The following MGAT5B variants were observed in gnomAD, a reference collection of about 807,000 sequenced individuals.
MGAT5B encodes the protein alpha-1,6-mannosylglycoprotein 6-beta-N-acetylglucosaminyltransferase B.
In MGAT5B, 54 loss-of-function variants were observed where a neutral mutation model predicts 95.1. The observed-to-expected ratio is 0.57, with a 90% CI of 0.46 to 0.71. The LOEUF (loss-of-function observed/expected upper bound fraction) is 0.71. Among genes scored for constraint, MGAT5B ranks in the 30% least tolerant of loss-of-function variants. The pLI, the probability that MGAT5B is intolerant of heterozygous loss-of-function variation, is 0.00. For synonymous variants in MGAT5B, 464 were observed against 451.0 expected (o/e 1.03, Z -0.36); for missense variants, 935 against 1,088.6 (o/e 0.86, Z 1.99).
chr17:76,878,619 C>T (rs1033124884), intron 2 of MGAT5B, among the ~76,000 whole-genome samples: 7 of 152,138 alleles, frequency 4.6e-5, no homozygotes, highest in African/African-American at 1.7e-4. Flanking sequence ...GGATTACAGG[C>T]ACATGCCACC....
At chr17:76,900,700 A>G (rs777351512) in intron 3 of MGAT5B, among the ~76,000 whole-genome samples, 1 of 152,232 alleles carries the variant, frequency 6.6e-6, no homozygotes, top group Non-Finnish European at 1.5e-5. Flanking sequence ...CAGAGGAGAA[A>G]TGGGTGTGGT....
Position 76,869,847 on chromosome 17 carries a change from C to T in MGAT5B, c.68+750C>T, listed in dbSNP as rs1438889990. ...CAGGCCAGGCAGGGCTGGGGCCGCG[C>T]GGGACTCACTGGACCCAGCCAGGGG... is the stretch of plus-strand genomic sequence containing the variant. On this transcript the variant is annotated intron_variant, in intron 1 of 17. Transcript: ENST00000569840. The surrounding 1 kb of genome is among the most constrained non-coding windows in gnomAD (Gnocchi z 7.0). Among the ~76,000 whole-genome samples, 3 of 152,006 alleles carry T rather than the reference C, an allele frequency of 2.0e-5. No homozygotes were observed. Among genetic ancestry groups the T allele is most frequent in the African/African-American group, 4.8e-5 (2 of 41,408 alleles).
intron 15 of MGAT5B, among the ~76,000 whole-genome samples, chr17:76,943,314 C>T (rs1326339567): frequency 6.6e-6 from 1 of 152,100 alleles, no homozygotes; most frequent in Non-Finnish European, 1.5e-5. Flanking sequence ...GAGATTTGTG[C>T]TGGGCCCCAA....
intron 15 of MGAT5B, among the ~76,000 whole-genome samples, chr17:76,945,984 G>A (rs546736402): frequency 1.9e-4 from 29 of 152,062 alleles, no homozygotes; most frequent in Admixed American, 1.6e-3. Flanking sequence ...TGTAACAGGA[G>A]TGGGGGTGGG....
Position 76,915,957 on chromosome 17 carries a change from G to T in MGAT5B, c.1026-9009G>T, listed in dbSNP as rs2145217359. ...ACCCTTCCCCAGGAAATTCAGACTT[G>T]GGTAGGCAGAAGACCTACCTAGACT... On this transcript the variant is annotated intron_variant, in intron 8 of 17. Transcript: ENST00000569840. This position sits in a 1 kb window ranked among gnomAD's most constrained non-coding sequence, Gnocchi z 8.7. Among the ~76,000 whole-genome samples, 1 of 152,342 alleles carries T rather than the reference G, an allele frequency of 6.6e-6. No individual in the cohort carries two copies. The highest frequency in any genetic ancestry group is 2.1e-4 in the South Asian group (1 of 4,832).
chr17:76,895,725 A>G (rs934346404), intron 3 of MGAT5B, among the ~76,000 whole-genome samples: 1 of 152,008 alleles, frequency 6.6e-6, no homozygotes, highest in Non-Finnish European at 1.5e-5. Flanking sequence ...ATAATCACTC[A>G]TGACATCTGC....
chr17:76,909,057 T>C (rs1180925466), intron 8 of MGAT5B, among the ~76,000 whole-genome samples: 1 of 152,186 alleles, frequency 6.6e-6, no homozygotes, highest in African/African-American at 2.4e-5. Flanking sequence ...TCCACCTGCT[T>C]TGGCCTCCCA....
chr17:76,946,602 C>T (rs2145291534), intron 16 of MGAT5B, 152 bp downstream of exon 16: 1 of 678,334 alleles, frequency 1.5e-6, no homozygotes, highest in East Asian at 3.4e-5. Flanking sequence ...CCAGAGTTCC[C>T]TCAGGGCTGG....
At chr17:76,890,022 G>A (rs1047795338) in intron 3 of MGAT5B, among the ~76,000 whole-genome samples, 4 of 152,256 alleles carry the variant, frequency 2.6e-5, no homozygotes, top group African/African-American at 7.2e-5. Context: ...TGGCCATGCC[G>A]TGGGTGGTCT....
At chr17:76,942,485 C>T (rs1161347591) in intron 15 of MGAT5B, among the ~76,000 whole-genome samples, 1 of 152,058 alleles carries the variant, frequency 6.6e-6, no homozygotes, top group Non-Finnish European at 1.5e-5. Flanking sequence ...CGAGATCATG[C>T]CACTGCACTC....
chr17:76,903,294 T>C lies in MGAT5B; in HGVS notation c.446-9T>C. ...CCAGGGACTTCAGCAAGGTGACCTC[T>C]CCCTACAGTGTCAGAAGGCCGGCGG... On this transcript the variant is annotated splice_polypyrimidine_tract_variant and intron_variant, in intron 4 of 17. Coordinates refer to ENST00000569840, the MANE Select transcript of MGAT5B (RefSeq NM_001199172.2). 1 of 1,609,094 alleles carries C rather than the reference T, an allele frequency of 6.2e-7. No homozygotes were observed. The highest frequency in any genetic ancestry group is 8.5e-7 in the Non-Finnish European group (1 of 1,177,584).
intron 15 of MGAT5B, among the ~76,000 whole-genome samples, chr17:76,945,534 C>T (rs753946855): frequency 2.0e-5 from 3 of 152,308 alleles, no homozygotes; most frequent in Non-Finnish European, 2.9e-5. Context: ...GGCGATCCGC[C>T]CACCTCGGCC....
chr17:76,875,456 T>C (rs1431030226), intron 2 of MGAT5B, among the ~76,000 whole-genome samples: 1 of 152,140 alleles, frequency 6.6e-6, no homozygotes, highest in Non-Finnish European at 1.5e-5. Flanking sequence ...GATTGTAAGT[T>C]TCCTGAGGCC....
At chr17:76,878,903 C>T (rs1256874554) in intron 2 of MGAT5B, among the ~76,000 whole-genome samples, 5 of 152,224 alleles carry the variant, frequency 3.3e-5, no homozygotes, top group African/African-American at 9.6e-5. Flanking sequence ...CCAGCCCCCT[C>T]ATTTTACATG....
At chr17:76,874,215 C>T (rs765682348) in intron 2 of MGAT5B, among the ~76,000 whole-genome samples, 24 of 152,278 alleles carry the variant, frequency 1.6e-4, no homozygotes, top group South Asian at 4.1e-4. Context: ...TTCCCAGGCT[C>T]GTTGCGAGGC....
In MGAT5B at chr17:76,939,029, G is replaced by GTGT. The variant is rs1555600423; in HGVS notation, c.1584+886_1584+887insTGT. 4.6e-3 allele frequency among the ~76,000 whole-genome samples: 596 copies of GTGT among 128,250 alleles called. 6 individuals carry two copies. The highest frequency in any genetic ancestry group is 0.012 in the East Asian group (51 of 4,304). The allele number at this position is 128,250 out of a possible 152,430, so 84.1% of individuals were successfully genotyped here. A position where few individuals can be genotyped will look rare whatever the true frequency, so the allele number is the denominator to read the frequency against. ...AGCTTGTTTCCCAAGGCATCTTGGG[G>GTGT]GTGTGTGTGTGTGTGTGTGTGTGTG... is the stretch of plus-strand genomic sequence containing the variant. On this transcript the variant is annotated intron_variant, in intron 13 of 17. Transcript: ENST00000569840.
At chr17:76,904,835 T>C (rs1968461664) in intron 6 of MGAT5B, among the ~76,000 whole-genome samples, 1 of 152,236 alleles carries the variant, frequency 6.6e-6, no homozygotes, top group African/African-American at 2.4e-5. Flanking sequence ...ATAGTTGCTG[T>C]GGTGGCCACG....
intron 11 of MGAT5B, 33 bp downstream of exon 11, chr17:76,932,808 G>A (rs774258065): frequency 6.2e-7 from 1 of 1,610,662 alleles, no homozygotes; most frequent in South Asian, 1.1e-5. Context: ...GGAAGCACCA[G>A]CCTGCTCGGC....
chr17:76,930,020 A>G lies in MGAT5B; in HGVS notation c.1292-2625A>G, dbSNP rs1393992586. 1.3e-5 allele frequency among the ~76,000 whole-genome samples: 2 copies of G among 152,062 alleles called. No homozygotes were observed. The highest frequency in any genetic ancestry group is 4.8e-5 in the African/African-American group (2 of 41,402). ...CTTGGAGAAGCCAGAGGGGAGGGGA[A>G]GATGGTGCCGGACAGGTAAACAGGG... On this transcript the variant is annotated intron_variant, in intron 10 of 17. Transcript: ENST00000569840. The surrounding 1 kb of genome is among the most constrained non-coding windows in gnomAD (Gnocchi z 4.1).
Sources: gnomAD v4.1 joint callset for allele counts (sites outside exome capture counted in the v4.1 genomes callset) on GRCh38, gnomAD v4.1.1 for gene constraint, Gnocchi (gnomAD v3.1) non-coding constraint, MANE v1.5 for transcripts, NCBI Gene and HGNC (gene_info 2026-07-23, HGNC 2026-07-21) for gene names.